The following RNF17 variants were observed in gnomAD, a reference collection of about 807,000 sequenced individuals.
RNF17 encodes the protein spermatogenesis associated 23.
Under a neutral mutation model 200.5 loss-of-function variants are expected in RNF17, and 31 were observed. The ratio of observed to expected loss-of-function variants is 0.15; its 90% CI spans 0.12 to 0.21. The LOEUF (loss-of-function observed/expected upper bound fraction) is 0.21. Ranked by LOEUF, RNF17 falls within the 10% of genes least tolerant of loss-of-function variation. The pLI is 1.00. For synonymous variants in RNF17, 606 were observed against 637.8 expected (o/e 0.95, Z 0.75); for missense variants, 1,628 against 1,905.1 (o/e 0.85, Z 2.71).
chr13:24,796,047 ACT>A, intron 10 of RNF17, 88 bp from the exon 11 acceptor site: 1 of 929,994 alleles, frequency 1.1e-6, no homozygotes, highest in Non-Finnish European at 1.6e-6. Flanking sequence ...GCCATAAGAC[ACT>A]CTTTTAGAGG....
intron 24 of RNF17, among the ~76,000 whole-genome samples, chr13:24,853,468 C>T (rs920491288): frequency 3.1e-4 from 47 of 151,982 alleles, no homozygotes; most frequent in African/African-American, 1.1e-3. Context: ...TTAAGAGACT[C>T]ATGTTTTCTT....
chr13:24,776,200 C>G (rs1881545360), intron 3 of RNF17, among the ~76,000 whole-genome samples: 1 of 152,138 alleles, frequency 6.6e-6, no homozygotes, highest in African/African-American at 2.4e-5. Context: ...TCTCCTATGT[C>G]CATAACCTAT....
At position 24,811,259 on chromosome 13, in the gene RNF17, C is replaced by T. The variant is rs1367235954; in HGVS notation, c.2091+6830C>T. Among the ~76,000 whole-genome samples the T allele has an allele frequency of 4.4e-3, 664 of 151,858 alleles. 3 individuals are homozygous for T. Among genetic ancestry groups the T allele is most frequent in the African/African-American group, 0.015 (635 of 41,444 alleles). ...TGTTTTCCAACTTGGTTCCATTCTC[C>T]CCGTCACTTTCAGGTACACCAATCA... On this transcript the variant is annotated intron_variant, in intron 15 of 35. Coordinates refer to ENST00000255324, the MANE Select transcript of RNF17 (RefSeq NM_031277.3).
chr13:24,806,086 T>A (rs1885818262), intron 15 of RNF17, among the ~76,000 whole-genome samples: 1 of 152,140 alleles, frequency 6.6e-6, no homozygotes, highest in Admixed American at 6.5e-5. Context: ...CCTCCCTGTG[T>A]CTGTGTGTTC....
intron 15 of RNF17, among the ~76,000 whole-genome samples, chr13:24,818,818 TG>T (rs1887700101): frequency 6.6e-6 from 1 of 151,990 alleles, no homozygotes; most frequent in Non-Finnish European, 1.5e-5. Flanking sequence ...AGTTGGATCA[TG>T]TTTTTTTTTA....
chr13:24,779,600 A>G lies in RNF17; in HGVS notation c.430-67A>G, dbSNP rs527914615. On this transcript the variant is annotated intron_variant, in intron 4 of 35. Transcript: ENST00000255324. ...GGTAGCCTGAATTTTTTGCAACTATAATATATATATGTCTAGGCATCTGTT... is the reference window on the plus strand; with the variant it reads ...GGTAGCCTGAATTTTTTGCAACTATGATATATATATGTCTAGGCATCTGTT... 250 of 1,258,814 alleles carry G rather than the reference A, an allele frequency of 2.0e-4. 4 individuals carry two copies. In the African/African-American group the frequency reaches 3.3e-3, roughly 16 times the overall value. 78.0% of individuals were successfully genotyped at this position (1,258,814 alleles called of 1,614,324 possible). A position where few individuals can be genotyped will look rare whatever the true frequency, so the allele number is the denominator to read the frequency against.
At chr13:24,856,263 T>C (rs542969547) in intron 25 of RNF17, among the ~76,000 whole-genome samples, 1 of 151,858 alleles carries the variant, frequency 6.6e-6, no homozygotes, top group Admixed American at 6.6e-5. Context: ...CTACTAAAAA[T>C]ACAAAAATTA....
chr13:24,762,231 G>A (rs991501134), upstream of RNF17, among the ~76,000 whole-genome samples: 7 of 152,070 alleles, frequency 4.6e-5, no homozygotes, highest in Non-Finnish European at 8.8e-5. Flanking sequence ...TCAGCTGGGC[G>A]TGGTGGCATG....
intron 34 of RNF17, 106 bp downstream of exon 34, chr13:24,877,292 A>G: frequency 2.6e-6 from 2 of 780,826 alleles, no homozygotes; most frequent in East Asian, 5.5e-5. Flanking sequence ...ATACTAAAGC[A>G]TATACAGCTA....
Position 24,862,774 on chromosome 13 carries a change from A to G in RNF17, c.3956A>G (p.Gln1319Arg), listed in dbSNP as rs1893226019. The stretch of plus-strand genomic sequence containing the variant: ...CTTCAACAACTGCTTTCAAAGAGAC[A>G]GGTGGACATTCACATTATGGTAATT... ...EVLQQLLSKR[Q>R]VDIHIMELPK... The change falls in exon 28 of 36, where the codon CAG becomes CGG. Residue 1319 changes from glutamine (Q) to arginine (R), a missense_variant. Coordinates refer to ENST00000255324, the MANE Select transcript of RNF17 (RefSeq NM_031277.3). 6.3e-7 allele frequency: 1 copy of G among 1,598,292 alleles called. No individual in the cohort carries two copies. Among genetic ancestry groups the G allele is most frequent in the Non-Finnish European group, 8.6e-7 (1 of 1,165,792 alleles).
chr13:24,780,170 C>G (rs1463909427), intron 5 of RNF17, among the ~76,000 whole-genome samples: 1 of 152,048 alleles, frequency 6.6e-6, no homozygotes, highest in African/African-American at 2.4e-5. Context: ...TTAAGGAGTT[C>G]AAAAGGTTAT....
chr13:24,772,642 G>T (rs577185777), intron 2 of RNF17, among the ~76,000 whole-genome samples: 3 of 148,356 alleles, frequency 2.0e-5, no homozygotes, highest in Non-Finnish European at 1.5e-5. Context: ...CAAGAGTTTC[G>T]CTCTGTCACC....
rs1475349729 is a variant in RNF17 at position 24,800,494 on chromosome 13, C to A, written c.1718C>A (p.Ala573Glu). 6.2e-7 allele frequency: 1 copy of A among 1,613,502 alleles called. No individual in the cohort carries two copies. Among genetic ancestry groups the A allele is most frequent in the South Asian group, 1.1e-5 (1 of 91,004 alleles). ...CTGCTAAAAGACATCCAGCCATTAG[C>A]ACAACCATGCTCATTGAAAGACATT... ...EGLLKDIQPL[A>E]QPCSLKDIVP... The change falls in exon 13 of 36, where the codon GCA (alanine) becomes GAA (glutamate). Residue 573 changes from alanine (A) to glutamate (E), a missense_variant. Around this residue, in one of 5 missense-constraint regions of RNF17, gnomAD observed 289 missense variants for 384.9 expected, o/e 0.75. Coordinates refer to ENST00000255324, the MANE Select transcript of RNF17 (RefSeq NM_031277.3).
In RNF17 at chr13:24,802,583, AT is replaced by A. The variant is rs778871616; in HGVS notation, c.1949+14del. On this transcript the variant is annotated intron_variant, in intron 14 of 35. Transcript: ENST00000255324. ...ATGGAACTAGCAAAGTAAGTAACTT[AT>A]TAAAACTTAAATATTCTTTGAGATT... 7 of 1,581,176 alleles carry A rather than the reference AT, an allele frequency of 4.4e-6. No homozygotes were observed. In the South Asian group the frequency reaches 7.0e-5, roughly 16 times the overall value.
intron 15 of RNF17, among the ~76,000 whole-genome samples, chr13:24,807,418 C>T (rs1886027007): frequency 6.6e-6 from 1 of 152,132 alleles, no homozygotes; most frequent in Non-Finnish European, 1.5e-5. Context: ...AGCATTTTTT[C>T]ATGTGTCTTT....
At chr13:24,823,217 G>A (rs914432673) in intron 15 of RNF17, among the ~76,000 whole-genome samples, 2 of 152,104 alleles carry the variant, frequency 1.3e-5, no homozygotes, top group African/African-American at 4.8e-5. Context: ...GGGATTACAG[G>A]CGCCTGCCAC....
At chr13:24,884,183 T>TAAGA (rs780567623), downstream of RNF17, 21 of 1,614,068 alleles carry the variant, frequency 1.3e-5, no homozygotes, top group Non-Finnish European at 1.8e-5. Flanking sequence ...TTGAGAAATG[T>TAAGA]AAGACTTCCA....
At chr13:24,853,495 A>C (rs1399786567) in intron 24 of RNF17, among the ~76,000 whole-genome samples, 1 of 152,120 alleles carries the variant, frequency 6.6e-6, no homozygotes, top group Non-Finnish European at 1.5e-5. Flanking sequence ...TTTGGATGCT[A>C]ATAGCTTGCC....
chr13:24,771,063 G>A (rs906605219), intron 2 of RNF17, among the ~76,000 whole-genome samples: 3 of 152,140 alleles, frequency 2.0e-5, no homozygotes, highest in African/African-American at 7.2e-5. Context: ...ACTTATCAGT[G>A]CCTCTTCTGT....
Sources: allele counts gnomAD v4.1 joint callset (sites outside exome capture counted in the v4.1 genomes callset), GRCh38; gene constraint gnomAD v4.1.1; regional missense constraint gnomAD v4.1.1; transcripts MANE v1.5; gene names NCBI Gene and HGNC (gene_info 2026-07-23, HGNC 2026-07-21).